CAMTA1: variants seen among roughly 807,000 people sequenced by gnomAD.
CAMTA1 encodes calmodulin-binding transcription activator 1.
In CAMTA1, 27 loss-of-function variants were observed where a neutral mutation model predicts 170.9. The ratio of observed to expected loss-of-function variants is 0.16; its 90% CI spans 0.12 to 0.22. The LOEUF (loss-of-function observed/expected upper bound fraction) is 0.22, where lower values mean the gene tolerates loss of function less well. CAMTA1 is among the 10% of genes least tolerant of loss of function. The pLI, the probability that CAMTA1 is intolerant of heterozygous loss-of-function variation, is 1.00. For synonymous variants in CAMTA1, 833 were observed against 891.5 expected, an observed-to-expected ratio of 0.93 and a Z score of 1.17; for missense variants, 1,619 against 2,217.2, an observed-to-expected ratio of 0.73 and a Z score of 5.42.
At chr1:7,151,072 A>C (rs1370291579) in intron 4 of CAMTA1, among the ~76,000 whole-genome samples, 1 of 152,238 alleles carries the variant, frequency 6.6e-6, no homozygotes, top group African/African-American at 2.4e-5. Flanking sequence ...CCATTGGGCC[A>C]AGAATGAGAA....
chr1:7,164,277 A>G (rs770249587), intron 4 of CAMTA1, among the ~76,000 whole-genome samples: 2 of 152,190 alleles, frequency 1.3e-5, no homozygotes, highest in Non-Finnish European at 2.9e-5. Context: ...CCCCATTACC[A>G]GCTATTTGGA....
intron 5 of CAMTA1, chr1:7,441,440 CA>C (rs1393720454): frequency 6.6e-6 from 1 of 152,272 alleles, no homozygotes; most frequent in Non-Finnish European, 1.5e-5. Context: ...GAAAGATACT[CA>C]GACAGAGCTG....
chr1:7,336,181 T>C (rs1287684566), intron 5 of CAMTA1, among the ~76,000 whole-genome samples: 1 of 152,028 alleles, frequency 6.6e-6, no homozygotes, highest in Non-Finnish European at 1.5e-5. Flanking sequence ...ACAGTGTGGG[T>C]GAGTGAGTGA....
intron 1 of CAMTA1, among the ~76,000 whole-genome samples, chr1:6,817,207 G>T (rs1645931960): frequency 6.6e-6 from 1 of 152,154 alleles, no homozygotes; most frequent in Admixed American, 6.5e-5. Flanking sequence ...GAACCAAAGT[G>T]ATTTTTAAAA....
chr1:7,428,834 C>G (rs886160133), intron 5 of CAMTA1, among the ~76,000 whole-genome samples: 1 of 151,970 alleles, frequency 6.6e-6, no homozygotes, highest in African/African-American at 2.4e-5. Context: ...TGTCTGTGTG[C>G]GTCTGATTCC....
chr1:7,746,782 G>A (rs765322121), intron 18 of CAMTA1, among the ~76,000 whole-genome samples: 15 of 152,250 alleles, frequency 9.9e-5, no homozygotes, highest in African/African-American at 1.4e-4. Context: ...AATTACTGGC[G>A]CGTGCCACCA....
At chr1:6,932,851 T>C (rs1557848609) in intron 3 of CAMTA1, among the ~76,000 whole-genome samples, 1 of 152,212 alleles carries the variant, frequency 6.6e-6, no homozygotes, top group African/African-American at 2.4e-5. Context: ...GTGTTCTTAT[T>C]ATTGTTTTGA....
At chr1:7,313,160 A>AT in intron 5 of CAMTA1, among the ~76,000 whole-genome samples, 1 of 152,318 alleles carries the variant, frequency 6.6e-6, no homozygotes, top group South Asian at 2.1e-4. Flanking sequence ...CCTCTGAATC[A>AT]TAAAGGTCCT....
At position 7,500,598 on chromosome 1, in the gene CAMTA1, G is replaced by A. The variant is rs1381221598; in HGVS notation, c.510+32697G>A. On this transcript the variant is annotated intron_variant, in intron 6 of 22. Coordinates refer to ENST00000303635, the MANE Select transcript of CAMTA1 (RefSeq NM_015215.4). ...TCCCCTGGGTGGGCCCGTGGGTCCTGCCCGCTTCTGTAGCAGCAGCAGCCT... is the reference window on the plus strand; with the variant it reads ...TCCCCTGGGTGGGCCCGTGGGTCCTACCCGCTTCTGTAGCAGCAGCAGCCT... Among the ~76,000 whole-genome samples the A allele has an allele frequency of 3.9e-5, 6 of 152,252 alleles. No individual in the cohort carries two copies. The South Asian group carries it at 1.2e-3, about 32-fold the overall frequency.
chr1:6,869,715 T>A (rs1356232654), intron 3 of CAMTA1, among the ~76,000 whole-genome samples: 4 of 152,196 alleles, frequency 2.6e-5, no homozygotes, highest in African/African-American at 9.6e-5. Flanking sequence ...TGGCACCATT[T>A]CATTTGGAGC....
In CAMTA1 at chr1:7,642,092, C is replaced by T. The variant is rs544291732; in HGVS notation, c.664+1539C>T. The stretch of plus-strand genomic sequence containing the variant: ...CCACCTTTCCCTCAGCTCTCAGCCT[C>T]TCCACAGGCCCTCCCACCACCCAGC... On this transcript the variant is annotated intron_variant, in intron 7 of 22. Coordinates refer to ENST00000303635, the MANE Select transcript of CAMTA1 (RefSeq NM_015215.4). This position sits in a 1 kb window ranked among gnomAD's most constrained non-coding sequence, Gnocchi z 6.3. 9.2e-5 allele frequency among the ~76,000 whole-genome samples: 14 copies of T among 152,244 alleles called. No homozygotes were observed. Among genetic ancestry groups the T allele is most frequent in the African/African-American group, 2.9e-4 (12 of 41,552 alleles).
chr1:7,495,621 A>G lies in CAMTA1; in HGVS notation c.510+27720A>G, dbSNP rs74635689. The stretch of plus-strand genomic sequence containing the variant: ...TCCTGGACTGGCAAAGCCTGTTAGC[A>G]TCCCAGGGCTGGAAGAAACACCCTA... On this transcript the variant is annotated intron_variant, in intron 6 of 22. Coordinates refer to ENST00000303635, the MANE Select transcript of CAMTA1 (RefSeq NM_015215.4). Among the ~76,000 whole-genome samples, 574 of 152,298 alleles carry G rather than the reference A, an allele frequency of 3.8e-3. 3 individuals are homozygous for G. The highest frequency in any genetic ancestry group is 6.7e-3 in the Non-Finnish European group (454 of 68,016).
intron 3 of CAMTA1, among the ~76,000 whole-genome samples, chr1:6,962,404 C>T (rs1690604383): frequency 6.7e-6 from 1 of 148,906 alleles, no homozygotes; most frequent in South Asian, 2.2e-4. Context: ...TGGGCCCGCC[C>T]TCCGATTTGG....
chr1:7,660,923 T>C (rs2095950850), intron 7 of CAMTA1, among the ~76,000 whole-genome samples: 1 of 152,258 alleles, frequency 6.6e-6, no homozygotes, highest in Non-Finnish European at 1.5e-5. Context: ...TGGCCGGGTC[T>C]GCTCCAGCTG....
chr1:7,145,749 C>T (rs550000303), intron 4 of CAMTA1, among the ~76,000 whole-genome samples: 42 of 152,304 alleles, frequency 2.8e-4, no homozygotes, highest in African/African-American at 3.6e-4. Flanking sequence ...TGCAGTCATC[C>T]GTGTCTCCCG....
chr1:6,792,361 A>G (rs991307398), intron 1 of CAMTA1, among the ~76,000 whole-genome samples: 1 of 148,214 alleles, frequency 6.7e-6, no homozygotes, highest in African/African-American at 2.5e-5. Flanking sequence ...TTTTTTTGCC[A>G]TCAGTATGCT....
At chr1:7,309,379 A>T (rs914693338) in intron 5 of CAMTA1, among the ~76,000 whole-genome samples, 1 of 142,684 alleles carries the variant, frequency 7.0e-6, no homozygotes, top group Non-Finnish European at 1.5e-5. Context: ...AGCTCACTGC[A>T]ACTTCCGCCT....
rs767042163 is a variant in CAMTA1 at position 7,738,130 on chromosome 1, C to G, written c.3830C>G (p.Pro1277Arg). The change falls in exon 16 of 23, where the codon CCT becomes CGT. Residue 1277 changes from proline (P) to arginine (R), a missense_variant. Physicochemically the swap from Pro to Arg is moderately radical, Grantham distance 103 (BLOSUM62 -2). Coordinates refer to ENST00000303635, the MANE Select transcript of CAMTA1 (RefSeq NM_015215.4). This position sits in a 1 kb window ranked among gnomAD's most constrained non-coding sequence, Gnocchi z 4.9. ...GAGCCAAATATCAGGAAGCAAAGCC[C>G]TAGTTCTAAGCAGTCTGTCCCCGAG... ...LEEPNIRKQS[P>R]SSKQSVPETL... 6.2e-7 allele frequency: 1 copy of G among 1,614,124 alleles called. No individual in the cohort carries two copies. The highest frequency in any genetic ancestry group is 8.5e-7 in the Non-Finnish European group (1 of 1,180,014).
chr1:7,311,178 ATTAT>A (rs1676677290), intron 5 of CAMTA1, among the ~76,000 whole-genome samples: 2 of 152,156 alleles, frequency 1.3e-5, no homozygotes, highest in Non-Finnish European at 2.9e-5. Context: ...GTTTTTGATG[ATTAT>A]TTACTCAAAT....
Sources: allele counts gnomAD v4.1 joint callset (sites outside exome capture counted in the v4.1 genomes callset), GRCh38; gene constraint gnomAD v4.1.1; non-coding constraint Gnocchi (gnomAD v3.1); transcripts MANE v1.5; gene names NCBI Gene and HGNC (gene_info 2026-07-23, HGNC 2026-07-21).